The following HERC2 variants were observed in gnomAD, a reference collection of about 807,000 sequenced individuals.
HERC2 encodes the protein E3 ubiquitin-protein ligase HERC2.
In HERC2, 102 loss-of-function variants were observed where a neutral mutation model predicts 537.7. The ratio of observed to expected loss-of-function variants is 0.19; its 90% CI spans 0.16 to 0.22. The LOEUF (loss-of-function observed/expected upper bound fraction) is 0.22. HERC2 is among the 10% of genes least tolerant of loss of function. The probability of loss-of-function intolerance (pLI) is 1.00; values close to 1 mark genes in which losing one functional copy is unlikely to be tolerated. For synonymous variants in HERC2, 2,224 were observed against 2,466.2 expected, an observed-to-expected ratio of 0.90 and a Z score of 2.91; for missense variants, 4,236 against 6,198.2, an observed-to-expected ratio of 0.68 and a Z score of 10.63.
At position 28,222,224 on chromosome 15, in the gene HERC2, G is replaced by T. The variant is rs1900594195; in HGVS notation, c.5465-9C>A. The T allele has an allele frequency of 1.3e-6, 2 of 1,589,600 alleles. No homozygotes were observed. The highest frequency in any genetic ancestry group is 2.2e-4 in the Middle Eastern group (1 of 4,448). ...GTTGTCACAACTGGGGCCTGATGGA[G>T]CGTCAAAAACAATAGCTGAGCCAAC... On this transcript the variant is annotated splice_polypyrimidine_tract_variant and intron_variant, in intron 35 of 92. Transcript: ENST00000261609.
chr15:28,298,792 T>TC (rs533028909), intron 3 of HERC2, among the ~76,000 whole-genome samples: 1,715 of 151,010 alleles, frequency 0.011, 20 homozygotes, highest in Non-Finnish European at 0.018. Flanking sequence ...CAAGACTCCT[T>TC]CCCCCCCAAA....
chr15:28,167,079 G>A (rs938319920), intron 68 of HERC2, among the ~76,000 whole-genome samples: 1 of 152,196 alleles, frequency 6.6e-6, no homozygotes, highest in African/African-American at 2.4e-5. Context: ...GATTCAGCTA[G>A]AATCTTTAAG....
At chr15:28,227,079 A>G (rs1419852650) in intron 35 of HERC2, among the ~76,000 whole-genome samples, 1 of 152,220 alleles carries the variant, frequency 6.6e-6, no homozygotes, top group Admixed American at 6.5e-5. Flanking sequence ...GTTCCAGACC[A>G]GCCTGGCCAA....
At chr15:28,282,498 A>T (rs1372798090) in intron 4 of HERC2, among the ~76,000 whole-genome samples, 1 of 152,224 alleles carries the variant, frequency 6.6e-6, no homozygotes, top group Non-Finnish European at 1.5e-5. Flanking sequence ...AAGAAACCAA[A>T]TAGAAAGTTT....
intron 4 of HERC2, among the ~76,000 whole-genome samples, chr15:28,285,469 G>C (rs755892407): frequency 6.6e-6 from 1 of 151,976 alleles, no homozygotes; most frequent in African/African-American, 2.4e-5. Flanking sequence ...GAAGTCTCAA[G>C]GGAAATTTTA....
At chr15:28,321,910 C>T (rs1427156881) in intron 1 of HERC2, among the ~76,000 whole-genome samples, 165 bp downstream of exon 1, 1 of 143,282 alleles carries the variant, frequency 7.0e-6, no homozygotes, top group African/African-American at 2.9e-5. Context: ...CCCACAGCCA[C>T]CACCACTTAA....
intron 25 of HERC2, among the ~76,000 whole-genome samples, chr15:28,237,571 AG>A (rs1369816096): frequency 6.6e-6 from 1 of 152,248 alleles, no homozygotes; most frequent in Non-Finnish European, 1.5e-5. Context: ...CTCTGAAAAA[AG>A]TAAGAGTTCA....
rs148799279 is a variant in HERC2 at position 28,258,751 on chromosome 15, G to C, written c.2317-1490C>G. On this transcript the variant is annotated intron_variant, in intron 16 of 92. Coordinates refer to ENST00000261609, the MANE Select transcript of HERC2 (RefSeq NM_004667.6). ...TGACAAGACAAAAGCAGAAATCAAT[G>C]AGATTGAAAGCAAAACAAAAGGGAA... 1.2e-3 allele frequency among the ~76,000 whole-genome samples: 183 copies of C among 152,190 alleles called. 1 individual carries two copies. The Middle Eastern group carries it at 0.014, about 11-fold the overall frequency.
chr15:28,175,745 C>A (rs1421185079), intron 63 of HERC2, 89 bp from the exon 64 acceptor site: 11 of 1,326,566 alleles, frequency 8.3e-6, no homozygotes, highest in Non-Finnish European at 1.2e-5. Context: ...ACATCTTTCA[C>A]AGCCAGCTCA....
intron 2 of HERC2, among the ~76,000 whole-genome samples, chr15:28,311,820 G>A (rs2076953681): frequency 6.6e-6 from 1 of 152,138 alleles, no homozygotes; most frequent in South Asian, 2.1e-4. Flanking sequence ...CCACACATCA[G>A]TGTTCTGCGG....
intron 4 of HERC2, among the ~76,000 whole-genome samples, chr15:28,288,142 G>C (rs1327831475): frequency 6.6e-6 from 1 of 152,160 alleles, no homozygotes; most frequent in Admixed American, 6.5e-5. Flanking sequence ...AGAAGATCTA[G>C]AAACGGTAAA....
chr15:28,304,879 C>A (rs1268362544), intron 2 of HERC2, among the ~76,000 whole-genome samples: 3 of 130,264 alleles, frequency 2.3e-5, no homozygotes, highest in African/African-American at 8.5e-5. Flanking sequence ...CCCCACCCCA[C>A]CACAGTCCCC....
At chr15:28,147,126 G>A (rs1490489324) in intron 70 of HERC2, among the ~76,000 whole-genome samples, 2 of 150,504 alleles carry the variant, frequency 1.3e-5, no homozygotes, top group Non-Finnish European at 3.0e-5. Context: ...CGGTGCTCTA[G>A]CCCAGAATGT....
rs747478319 is a variant in HERC2 at position 28,146,350 on chromosome 15, G to A, written c.10901-6C>T. On this transcript the variant is annotated splice_region_variant and splice_polypyrimidine_tract_variant and intron_variant, in intron 70 of 92. Transcript: ENST00000261609. ...TACCCTGAGTCCTTCTGCACCTGAA[G>A]GACAGGCAAGCACAAAACATAGCAA... 1.2e-6 allele frequency: 2 copies of A among 1,605,964 alleles called. No individual in the cohort carries two copies. Among genetic ancestry groups the A allele is most frequent in the Admixed American group, 1.7e-5 (1 of 60,000 alleles).
chr15:28,209,438 A>G (rs556774489), intron 44 of HERC2, among the ~76,000 whole-genome samples: 14 of 151,832 alleles, frequency 9.2e-5, no homozygotes, highest in East Asian at 3.9e-4. Flanking sequence ...CTGCCTCCCG[A>G]GTTCACACCA....
intron 78 of HERC2, among the ~76,000 whole-genome samples, chr15:28,137,014 C>A (rs1335503517): frequency 2.7e-5 from 4 of 150,246 alleles, no homozygotes; most frequent in East Asian, 3.9e-4. Context: ...AAAAAAAAAA[C>A]CACAGTCCAT....
chr15:28,201,328 T>C, intron 48 of HERC2, 128 bp downstream of exon 48: 3 of 666,680 alleles, frequency 4.5e-6, no homozygotes, highest in Non-Finnish European at 8.2e-6. Flanking sequence ...AGGTATGTCT[T>C]CCAGCACCAG....
intron 65 of HERC2, among the ~76,000 whole-genome samples, chr15:28,171,870 C>T (rs1277733894): frequency 2.0e-5 from 3 of 151,918 alleles, no homozygotes; most frequent in Non-Finnish European, 2.9e-5. Flanking sequence ...GTCAGGAGAT[C>T]GATTCTGTCC....
At chr15:28,298,396 CT>C (rs2141187329) in intron 3 of HERC2, 1 of 150,378 alleles carries the variant, frequency 6.6e-6, no homozygotes, top group Non-Finnish European at 1.5e-5. Context: ...CTCAAATGAT[CT>C]GCCCGCCTCA....
Sources: allele counts gnomAD v4.1 joint callset (sites outside exome capture counted in the v4.1 genomes callset), GRCh38; gene constraint gnomAD v4.1.1; transcripts MANE v1.5; gene names NCBI Gene and HGNC (gene_info 2026-07-23, HGNC 2026-07-21).